Variants in UGP2 observed in about 807,000 individuals in gnomAD.
UGP2 encodes UTP--glucose-1-phosphate uridylyltransferase.
Under a neutral mutation model 49.0 loss-of-function variants are expected in UGP2, and 40 were observed. That is an observed-to-expected ratio of 0.82 (90% CI 0.63 to 1.06). The LOEUF (loss-of-function observed/expected upper bound fraction) is 1.06. Ranked by LOEUF, UGP2 falls within the 50% of genes least tolerant of loss-of-function variation. The probability of loss-of-function intolerance (pLI) is 0.00; values close to 1 mark genes in which losing one functional copy is unlikely to be tolerated. For missense variants in UGP2, 460 were observed against 603.5 expected, an observed-to-expected ratio of 0.76 and a Z score of 2.49; for synonymous variants, 225 against 213.0, an observed-to-expected ratio of 1.06 and a Z score of -0.49.
At chr2:63,878,124 A>T (rs1388919131) in intron 3 of UGP2, among the ~76,000 whole-genome samples, 1 of 150,262 alleles carries the variant, frequency 6.7e-6, no homozygotes, top group African/African-American at 2.5e-5. Flanking sequence ...TGGTTTTGTT[A>T]CTTCCAAAGC....
chr2:63,883,993 C>T lies in UGP2; in HGVS notation c.475C>T (p.Leu159Phe). 1.2e-6 allele frequency: 2 copies of T among 1,612,578 alleles called. No homozygotes were observed. Among genetic ancestry groups the T allele is most frequent in the East Asian group, 4.5e-5 (2 of 44,762 alleles). The change falls in exon 5 of 10, where the codon CTT (leucine) becomes TTT (phenylalanine). Residue 159 changes from leucine (L) to phenylalanine (F), a missense_variant. By Grantham distance (22) the Leu-to-Phe change is conservative (BLOSUM62 0). Transcript: ENST00000337130. ...TAAAACCTACAATACAGATGTTCCT[C>T]TTGTTTTAATGAACTCTTTTAACAC... Reference protein sequence around the residue: ...LNKTYNTDVPLVLMNSFNTDE... With the variant: ...LNKTYNTDVPFVLMNSFNTDE...
Position 63,887,417 on chromosome 2 carries a change from C to T in UGP2, c.1087C>T (p.Leu363=). 1 of 1,613,968 alleles carries T rather than the reference C, an allele frequency of 6.2e-7. No individual in the cohort carries two copies. Among genetic ancestry groups the T allele is most frequent in the Non-Finnish European group, 8.5e-7 (1 of 1,179,988 alleles). ...TTTCTTACAGACTTTGGATGGAGGC[C>T]TGAATGTCATTCAATTAGAAACTGC... ...IVNAKTLDGG[L]NVIQLETAVG... is the part of the protein sequence containing the mutation. Residue 363 remains leucine, a synonymous_variant, in exon 8 of 10, where the codon CTG becomes TTG. Transcript: ENST00000337130.
At chr2:63,891,043 C>A in intron 9 of UGP2, 77 bp from the exon 10 acceptor site, 30 of 1,170,120 alleles carry the variant, frequency 2.6e-5, no homozygotes, top group South Asian at 3.4e-5. Context: ...AAAAGTTGTA[C>A]ATAAACTTGA....
At chr2:63,884,120 G>T (rs1265570281) in intron 5 of UGP2, 27 bp downstream of exon 5, 2 of 1,608,892 alleles carry the variant, frequency 1.2e-6, no homozygotes, top group African/African-American at 1.3e-5. Flanking sequence ...ATTAACTCTG[G>T]GTATGTTACT....
Position 63,887,405 on chromosome 2 carries a change from T to G in UGP2, c.1075T>G (p.Leu359Val). ...CCCCACCCCTAATTTCTTACAGACT[T>G]TGGATGGAGGCCTGAATGTCATTCA... ...DMEIIVNAKT[L>V]DGGLNVIQLE... The change falls in exon 8 of 10, where the codon TTG becomes GTG. Residue 359 changes from leucine to valine, a missense_variant. This residue lies in a region of UGP2 where 317 missense variants were observed against 473.0 expected (regional missense o/e 0.67). Coordinates refer to ENST00000337130, the MANE Select transcript of UGP2 (RefSeq NM_006759.4). 1 of 1,614,094 alleles carries G rather than the reference T, an allele frequency of 6.2e-7. No individual in the cohort carries two copies. Among genetic ancestry groups the G allele is most frequent in the Non-Finnish European group, 8.5e-7 (1 of 1,179,994 alleles).
rs541962192 is a variant in UGP2 at position 63,868,127 on chromosome 2, G to C, written c.255+10191G>C. Among the ~76,000 whole-genome samples the C allele has an allele frequency of 7.2e-5, 11 of 152,318 alleles. No individual in the cohort carries two copies. In the South Asian group the frequency reaches 2.3e-3, roughly 32 times the overall value. On this transcript the variant is annotated intron_variant, in intron 3 of 9. Coordinates refer to ENST00000337130, the MANE Select transcript of UGP2 (RefSeq NM_006759.4). Reference sequence around the variant, plus strand: ...TACCAAACTCAAGATAAATGTAAGAGGTAGGCCTTGTCTTAGAGGACTATT... The same window carrying C: ...TACCAAACTCAAGATAAATGTAAGACGTAGGCCTTGTCTTAGAGGACTATT...
chr2:63,868,778 AG>A (rs938332664), intron 3 of UGP2, among the ~76,000 whole-genome samples: 14 of 152,076 alleles, frequency 9.2e-5, no homozygotes, highest in Non-Finnish European at 1.5e-4. Flanking sequence ...CAGGAGTTCG[AG>A]ACTAGCCAAC....
intron 3 of UGP2, among the ~76,000 whole-genome samples, chr2:63,868,975 AAAAG>A (rs963206874): frequency 7.9e-5 from 12 of 152,130 alleles, no homozygotes; most frequent in Admixed American, 4.6e-4. Flanking sequence ...CAAAAAAAAA[AAAAG>A]AAAGTATATC....
At chr2:63,890,012 G>T in intron 8 of UGP2, 69 bp from the exon 9 acceptor site, 1 of 1,228,958 alleles carries the variant, frequency 8.1e-7, no homozygotes, top group South Asian at 1.3e-5. Flanking sequence ...AAACTTTCTT[G>T]TTAATATTTT....
chr2:63,885,467 T>C (rs1671612353), intron 5 of UGP2, 122 bp from the exon 6 acceptor site: 1 of 789,956 alleles, frequency 1.3e-6, no homozygotes, highest in African/African-American at 1.8e-5. Flanking sequence ...TATAATTAAA[T>C]TACTTATTGA....
intron 6 of UGP2, 71 bp from the exon 7 acceptor site, chr2:63,886,270 C>T: frequency 7.2e-7 from 1 of 1,395,042 alleles, no homozygotes; most frequent in Non-Finnish European, 1.0e-6. Flanking sequence ...TGTATAATCA[C>T]TATCTTTGTA....
Position 63,877,999 on chromosome 2 carries a change from CAAAAAAAAAAAAAAAAAA to C in UGP2, c.256-4454_256-4437del, listed in dbSNP as rs61669991. Among the ~76,000 whole-genome samples, 38 of 67,906 alleles carry C rather than the reference CAAAAAAAAAAAAAAAAAA, an allele frequency of 5.6e-4. No homozygotes were observed. The East Asian group carries it at 0.016, about 28-fold the overall frequency. The allele number at this position is 67,906 out of a possible 152,430, so 44.5% of individuals were successfully genotyped here. The stretch of plus-strand genomic sequence containing the variant: ...TGGGCGACAGAGCGAGACTCCGTCT[CAAAAAAAAAAAAAAAAAA>C]AAAAAAAAAAAAGAAGTCTGCATGC... On this transcript the variant is annotated intron_variant, in intron 3 of 9. Transcript: ENST00000337130.
rs199775109 is a variant in UGP2 at position 63,857,936 on chromosome 2, G to A, written c.255G>A (p.Ser85=). The change falls in exon 3 of 10, where the codon TCG becomes TCA. Residue 85 remains serine (S), a splice_region_variant and synonymous_variant. Coordinates refer to ENST00000337130, the MANE Select transcript of UGP2 (RefSeq NM_006759.4). ...WGKIQRPPED[S]IQPYEKIKAR... is the part of the protein sequence containing the mutation. ...AAATCCAGAGACCCCCTGAAGATTC[G>A]GTAAGTTTTAGATAAAATGTAGGAA... 2.4e-5 allele frequency: 39 copies of A among 1,612,822 alleles called. No homozygotes were observed. In the Middle Eastern group the frequency reaches 6.6e-4, roughly 27 times the overall value.
rs924510757 is a variant in UGP2, at chr2:63,884,246, T to C, written c.575+153T>C. On this transcript the variant is annotated intron_variant, in intron 5 of 9. Coordinates refer to ENST00000337130, the MANE Select transcript of UGP2 (RefSeq NM_006759.4). Reference sequence around the variant, plus strand: ...CATAAAAGCTGAGCATTTGTTGATATGTGATTGTTATAATCACTCTGGTTC... The same window carrying C: ...CATAAAAGCTGAGCATTTGTTGATACGTGATTGTTATAATCACTCTGGTTC... 1.3e-5 allele frequency: 12 copies of C among 906,760 alleles called. No individual in the cohort carries two copies. The African/African-American group carries it at 1.7e-4, about 13-fold the overall frequency. 56.2% of individuals were successfully genotyped at this position (906,760 alleles called of 1,614,324 possible).
Position 63,886,337 on chromosome 2 carries a change from C to G in UGP2, c.874-4C>G. On this transcript the variant is annotated splice_polypyrimidine_tract_variant and splice_region_variant and intron_variant, in intron 6 of 9. Transcript: ENST00000337130. ...GAGGCACTCACTATTTTCTGCCTTT[C>G]TAGGGCGGGACACTCACTCAATATG... 27 of 1,613,774 alleles carry G rather than the reference C, an allele frequency of 1.7e-5. No homozygotes were observed. The highest frequency in any genetic ancestry group is 2.3e-5 in the Non-Finnish European group (27 of 1,179,686).
chr2:63,872,236 T>A (rs1178522218), intron 3 of UGP2, among the ~76,000 whole-genome samples: 1 of 152,180 alleles, frequency 6.6e-6, no homozygotes, highest in South Asian at 2.1e-4. Context: ...TTCATCAAAT[T>A]TGGGCCATTG....
At chr2:63,877,776 G>A (rs1326906145) in intron 3 of UGP2, among the ~76,000 whole-genome samples, 1 of 151,934 alleles carries the variant, frequency 6.6e-6, no homozygotes, top group Non-Finnish European at 1.5e-5. Flanking sequence ...GGTGGATCAT[G>A]AGGTCAGGAG....
chr2:63,871,772 TAG>T (rs1008935981), intron 3 of UGP2, among the ~76,000 whole-genome samples: 71 of 152,322 alleles, frequency 4.7e-4, no homozygotes, highest in African/African-American at 1.5e-3. Flanking sequence ...TAGCCTTAGT[TAG>T]AGAGACCCTC....
intron 9 of UGP2, among the ~76,000 whole-genome samples, chr2:63,890,802 TGAA>T (rs1672081631): frequency 6.6e-6 from 1 of 152,146 alleles, no homozygotes. Flanking sequence ...AATTTCTCTA[TGAA>T]GGTTAGATAA....
Sources: gnomAD v4.1 joint callset for allele counts (sites outside exome capture counted in the v4.1 genomes callset) on GRCh38, gnomAD v4.1.1 for gene constraint, gnomAD v4.1.1 regional missense constraint, MANE v1.5 for transcripts, NCBI Gene and HGNC (gene_info 2026-07-23, HGNC 2026-07-21) for gene names.